The following DDX18 variants were observed in gnomAD, a reference collection of about 807,000 sequenced individuals.
DDX18 encodes DEAD-box helicase 18, also known as ATP-dependent RNA helicase DDX18.
Under a neutral mutation model 73.5 loss-of-function variants are expected in DDX18, and 23 were observed. That is an observed-to-expected ratio of 0.31 (90% confidence interval 0.23 to 0.44). DDX18 has a LOEUF of 0.44. Ranked by LOEUF, DDX18 falls within the 20% of genes least tolerant of loss-of-function variation. DDX18 has a pLI of 1.00. For missense variants in DDX18, 753 were observed against 792.9 expected (o/e 0.95, Z 0.60); for synonymous variants, 268 against 282.7 (o/e 0.95, Z 0.52).
chr2:117,824,507 T>C (rs1209002968), intron 7 of DDX18, 62 bp from the exon 8 acceptor site: 1 of 1,300,100 alleles, frequency 7.7e-7, no homozygotes, highest in Admixed American at 3.0e-5. Flanking sequence ...TATTTGTAGT[T>C]GTGAGGCAAT....
chr2:117,824,747 C>G, intron 8 of DDX18, 39 bp downstream of exon 8: 1 of 1,472,406 alleles, frequency 6.8e-7, no homozygotes, highest in Non-Finnish European at 9.0e-7. Flanking sequence ...AGGGATCTTA[C>G]TTGGTGTTTT....
chr2:117,825,900 C>G, intron 10 of DDX18: 1 of 414,652 alleles, frequency 2.4e-6, no homozygotes, highest in Admixed American at 3.9e-5. Context: ...AGATAAACTT[C>G]TGTAGTATAT....
In DDX18 at chr2:117,832,372, A is replaced by G. The variant is rs532677362; in HGVS notation, c.*1648A>G. Reference sequence around the variant, plus strand: ...CCTGTGTCATTAAATAATTACTTCAATGTTGTATTTCGTTTATGGATGCTT... The same window carrying G: ...CCTGTGTCATTAAATAATTACTTCAGTGTTGTATTTCGTTTATGGATGCTT... On this transcript the variant is annotated 3_prime_UTR_variant, in exon 14 of 14. Transcript: ENST00000263239. 6.6e-6 allele frequency: 1 copy of G among 152,280 alleles called. No homozygotes were observed. Among genetic ancestry groups the G allele is most frequent in the South Asian group, 2.1e-4 (1 of 4,824 alleles). 9.4% of individuals were successfully genotyped at this position (152,280 alleles called of 1,614,324 possible).
rs1454283786 is a variant in DDX18 at position 117,822,353 on chromosome 2, C to T, written c.1066+92C>T. On this transcript the variant is annotated intron_variant, in intron 7 of 13. Coordinates refer to ENST00000263239, the MANE Select transcript of DDX18 (RefSeq NM_006773.4). Reference sequence around the variant, plus strand: ...TAGAAAAACTGTACTAATGCCAGAACTTTACCATAGCCAAGTGAGGTAGTT... The same window carrying T: ...TAGAAAAACTGTACTAATGCCAGAATTTTACCATAGCCAAGTGAGGTAGTT... 8 of 963,574 alleles carry T rather than the reference C, an allele frequency of 8.3e-6. No individual in the cohort carries two copies. The African/African-American group carries it at 1.3e-4, about 16-fold the overall frequency. 59.7% of individuals were successfully genotyped at this position (963,574 alleles called of 1,614,324 possible).
intron 10 of DDX18, 176 bp downstream of exon 10, chr2:117,825,775 G>C: frequency 1.5e-6 from 1 of 672,656 alleles, no homozygotes; most frequent in Non-Finnish European, 2.4e-6. Context: ...GCTCAAACGG[G>C]CTGTGCCAGA....
In DDX18 at chr2:117,821,142, TA is replaced by T. The variant is rs1679840418; in HGVS notation, c.515-16del. The T allele has an allele frequency of 6.6e-7, 1 of 1,519,854 alleles. No homozygotes were observed. Among genetic ancestry groups the T allele is most frequent in the Non-Finnish European group, 8.8e-7 (1 of 1,136,076 alleles). 94.1% of individuals were successfully genotyped at this position (1,519,854 alleles called of 1,614,324 possible). A position where few individuals can be genotyped will look rare whatever the true frequency, so the allele number is the denominator to read the frequency against. ...AAAAAAAAGATAAATTTGCTAATGA[TA>T]AATTGTCTTCTGTTTAGGAGCTTTT... On this transcript the variant is annotated intron_variant, in intron 3 of 13. Coordinates refer to ENST00000263239, the MANE Select transcript of DDX18 (RefSeq NM_006773.4).
intron 1 of DDX18, chr2:117,815,185 G>A (rs905029751): frequency 9.5e-6 from 3 of 314,998 alleles, no homozygotes; most frequent in Non-Finnish European, 1.8e-5. Context: ...CTCACCACCT[G>A]CAAGTCGCAC....
At position 117,824,708 on chromosome 2, in the gene DDX18, G is replaced by A; in HGVS notation, c.1206G>A (p.Gln402=). ...KANATVDGLE[Q]GYVVCPSEKR... ...ATGCAACAGTGGATGGTCTTGAACA[G>A]GTACTTTTTATCAATAACTGAAAAC... The change falls in exon 8 of 14, where the codon CAG becomes CAA. Residue 402 remains glutamine (Q), a splice_region_variant and synonymous_variant. Coordinates refer to ENST00000263239, the MANE Select transcript of DDX18 (RefSeq NM_006773.4). 1 of 1,479,910 alleles carries A rather than the reference G, an allele frequency of 6.8e-7. No homozygotes were observed. Among genetic ancestry groups the A allele is most frequent in the Non-Finnish European group, 9.0e-7 (1 of 1,116,080 alleles). 91.7% of individuals were successfully genotyped at this position (1,479,910 alleles called of 1,614,324 possible). A position where few individuals can be genotyped will look rare whatever the true frequency, so the allele number is the denominator to read the frequency against.
chr2:117,827,321 A>ATTTC (rs1402905029), intron 11 of DDX18: 2 of 151,636 alleles, frequency 1.3e-5, no homozygotes, highest in East Asian at 1.9e-4. Flanking sequence ...TCAGGTTGAC[A>ATTTC]TTTCTTTCTT....
In DDX18 at chr2:117,819,778, C is replaced by A; in HGVS notation, c.500C>A (p.Pro167His). ...DEDESEVPSL[P>H]LGLTGAFEDT... ...GATGAGAGTGAGGTGCCCAGTCTGC[C>A]CCTGGGACTGACAGGTAACGTCCAG... Residue 167 changes from proline to histidine, a missense_variant, in exon 3 of 14, where the codon CCC becomes CAC. Pro to His is a moderately conservative substitution (Grantham distance 77). Coordinates refer to ENST00000263239, the MANE Select transcript of DDX18 (RefSeq NM_006773.4). The A allele has an allele frequency of 6.3e-7, 1 of 1,584,008 alleles. No individual in the cohort carries two copies. Among genetic ancestry groups the A allele is most frequent in the Non-Finnish European group, 8.5e-7 (1 of 1,170,082 alleles).
chr2:117,821,371 A>AT, intron 4 of DDX18, 75 bp downstream of exon 4: 1 of 1,489,806 alleles, frequency 6.7e-7, no homozygotes, highest in Non-Finnish European at 9.1e-7. Context: ...ATACCAGTAT[A>AT]TTCTGTTGAT....
intron 1 of DDX18, among the ~76,000 whole-genome samples, chr2:117,816,260 CTTAAA>C (rs1426804505): frequency 3.3e-5 from 5 of 152,152 alleles, no homozygotes; most frequent in African/African-American, 1.2e-4. Context: ...TACTTTTATT[CTTAAA>C]TTAACCTTAG....
rs747936224 is a variant in DDX18 at position 117,829,017 on chromosome 2, T to C, written c.1692+12T>C. On this transcript the variant is annotated intron_variant, in intron 12 of 13. Transcript: ENST00000263239. ...ACATTCAGTCTCAGGTATGTGCTTTTTAAACGTTTGTGAGTAAACAGGAAC... is the reference window on the plus strand; with the variant it reads ...ACATTCAGTCTCAGGTATGTGCTTTCTAAACGTTTGTGAGTAAACAGGAAC... The C allele has an allele frequency of 2.5e-6, 4 of 1,609,652 alleles. No individual in the cohort carries two copies. The Admixed American group carries it at 6.7e-5, about 27-fold the overall frequency.
At chr2:117,830,459 T>A in intron 13 of DDX18, 123 bp from the exon 14 acceptor site, 1 of 1,215,696 alleles carries the variant, frequency 8.2e-7, no homozygotes, top group Non-Finnish European at 1.1e-6. Context: ...GTTCCCACAT[T>A]TTCATTGTTG....
Position 117,821,311 on chromosome 2 carries a change from G to C in DDX18, c.650+15G>C. 6.3e-7 allele frequency: 1 copy of C among 1,592,150 alleles called. No individual in the cohort carries two copies. Among genetic ancestry groups the C allele is most frequent in the South Asian group, 1.2e-5 (1 of 86,260 alleles). ...CTGGAAGGCAGGTATGATTAACATT[G>C]AAGCTTAGATATTGGCATCTATTTT... is the stretch of plus-strand genomic sequence containing the variant. On this transcript the variant is annotated intron_variant, in intron 4 of 13. Transcript: ENST00000263239.
At position 117,830,590 on chromosome 2, in the gene DDX18, A is replaced by C; in HGVS notation, c.1879A>C (p.Ser627Arg). Reference protein sequence around the residue: ...VPPFVDLNVNSNEGKQKKRGG... With the variant: ...VPPFVDLNVNRNEGKQKKRGG... ...TTAATGTTTGCCTCCAGACGTCAACAGTAATGAAGGCAAGCAGAAAAAGCG... is the reference window on the plus strand; with the variant it reads ...TTAATGTTTGCCTCCAGACGTCAACCGTAATGAAGGCAAGCAGAAAAAGCG... Residue 627 changes from serine (S) to arginine (R), a missense_variant, in exon 14 of 14, where the codon AGT (serine) becomes CGT (arginine). Ser to Arg is a moderately radical substitution (Grantham distance 110). This residue lies in a region of DDX18 where 402 missense variants were observed against 419.4 expected (regional missense o/e 0.96). Coordinates refer to ENST00000263239, the MANE Select transcript of DDX18 (RefSeq NM_006773.4). 1.9e-6 allele frequency: 3 copies of C among 1,613,392 alleles called. No homozygotes were observed. Among genetic ancestry groups the C allele is most frequent in the Middle Eastern group, 3.3e-4 (2 of 6,050 alleles).
At position 117,824,948 on chromosome 2, in the gene DDX18, T is replaced by G; in HGVS notation, c.1215T>G (p.Val405=). 1 of 1,609,396 alleles carries G rather than the reference T, an allele frequency of 6.2e-7. No homozygotes were observed. The highest frequency in any genetic ancestry group is 1.1e-5 in the South Asian group (1 of 90,130). ...ATVDGLEQGY[V]VCPSEKRFLL... ...GCTTAAACGCTTTCTAGGGATATGT[T>G]GTTTGTCCTTCTGAAAAGAGATTCC... The change falls in exon 9 of 14, where the codon GTT becomes GTG. Residue 405 remains valine (V), a synonymous_variant. Transcript: ENST00000263239.
At chr2:117,824,777 T>G in intron 8 of DDX18, 69 bp downstream of exon 8, 1 of 1,479,880 alleles carries the variant, frequency 6.8e-7, no homozygotes, top group South Asian at 1.5e-5. Flanking sequence ...GTTGGAAGGA[T>G]CATTCAGAAA....
rs188862973 is a variant in DDX18, at chr2:117,821,903, A to G, written c.793A>G (p.Met265Val). ...LILSPTRELA[M>V]QTFGVLKELM... ...TCTCTCACCTACTAGAGAACTAGCC[A>G]TGCAAACCTTTGGTGTTCTTAAGGA... The change falls in exon 6 of 14, where the codon ATG becomes GTG. Residue 265 changes from methionine (M) to valine (V), a missense_variant. By Grantham distance (21) the Met-to-Val change is conservative. Coordinates refer to ENST00000263239, the MANE Select transcript of DDX18 (RefSeq NM_006773.4). 8 of 1,614,082 alleles carry G rather than the reference A, an allele frequency of 5.0e-6. No homozygotes were observed. The East Asian group carries it at 1.1e-4, about 22-fold the overall frequency.
Sources: allele counts gnomAD v4.1 joint callset (sites outside exome capture counted in the v4.1 genomes callset), GRCh38; gene constraint gnomAD v4.1.1; regional missense constraint gnomAD v4.1.1; transcripts MANE v1.5; gene names NCBI Gene and HGNC (gene_info 2026-07-23, HGNC 2026-07-21).